The following NFU1 variants were observed in gnomAD, a reference collection of about 807,000 sequenced individuals.
NFU1 encodes the protein NFU1 iron-sulfur cluster scaffold.
NFU1 carries 30 observed loss-of-function variants against 32.2 expected under a neutral mutation model. The ratio of observed to expected loss-of-function variants is 0.93; its 90% CI spans 0.70 to 1.26. The LOEUF (loss-of-function observed/expected upper bound fraction) is 1.26. Among genes scored for constraint, NFU1 ranks in the 50% most tolerant of loss-of-function variants. The pLI, the probability that NFU1 is intolerant of heterozygous loss-of-function variation, is 0.00. For synonymous variants in NFU1, 112 were observed against 104.6 expected (o/e 1.07, Z -0.43); for missense variants, 306 against 306.6 (o/e 1.00, Z 0.02).
chr2:69,410,496 T>G (rs1408577836), intron 5 of NFU1, among the ~76,000 whole-genome samples: 1 of 152,234 alleles, frequency 6.6e-6, no homozygotes, highest in East Asian at 1.9e-4. Context: ...ACTTACTACC[T>G]GTGTGACCTT....
intron 4 of NFU1, among the ~76,000 whole-genome samples, chr2:69,419,319 C>T (rs933928512): frequency 6.6e-6 from 1 of 151,712 alleles, no homozygotes; most frequent in Admixed American, 6.6e-5. Context: ...AAGAGCAAGA[C>T]TTCATCTCAA....
chr2:69,411,906 A>T (rs192481290), intron 5 of NFU1, among the ~76,000 whole-genome samples: 2 of 152,200 alleles, frequency 1.3e-5, no homozygotes, highest in Non-Finnish European at 1.5e-5. Flanking sequence ...AATATTTTTT[A>T]AAAACCTGTT....
intron 4 of NFU1, among the ~76,000 whole-genome samples, chr2:69,418,949 T>C (rs766043143): frequency 6.6e-6 from 1 of 152,200 alleles, no homozygotes; most frequent in East Asian, 1.9e-4. Context: ...ATAGTTCATG[T>C]CCCATTAATC....
In NFU1 at chr2:69,429,345, C is replaced by G. The variant is rs997219099; in HGVS notation, c.166+2557G>C. Among the ~76,000 whole-genome samples the G allele has an allele frequency of 1.4e-4, 21 of 152,232 alleles. 1 individual carries two copies. In the South Asian group the frequency reaches 2.7e-3, roughly 20 times the overall value. On this transcript the variant is annotated intron_variant, in intron 2 of 7. Transcript: ENST00000410022. ...TTGGGAGGCCAAGGCAGGAGGATCA[C>G]TTGAGGGCAGAAGTTCGAGACCAGC...
intron 2 of NFU1, among the ~76,000 whole-genome samples, chr2:69,425,720 G>A (rs774848663): frequency 1.1e-4 from 17 of 150,318 alleles, no homozygotes; most frequent in Admixed American, 3.3e-4. Flanking sequence ...TCCTTGCCTC[G>A]AGTGATCCAC....
intron 2 of NFU1, among the ~76,000 whole-genome samples, chr2:69,431,132 T>C (rs1163785551): frequency 6.6e-6 from 1 of 152,148 alleles, no homozygotes; most frequent in Non-Finnish European, 1.5e-5. Flanking sequence ...AGTAATTAAT[T>C]TTGACAAAAA....
chr2:69,418,760 C>T (rs928168348), intron 4 of NFU1, among the ~76,000 whole-genome samples: 1 of 151,916 alleles, frequency 6.6e-6, no homozygotes, highest in Non-Finnish European at 1.5e-5. Flanking sequence ...TGAGCCACCA[C>T]ACCCGGCCCC....
intron 3 of NFU1, among the ~76,000 whole-genome samples, chr2:69,423,231 GCTCT>G (rs1233805344): frequency 2.4e-5 from 3 of 126,498 alleles, no homozygotes; most frequent in Admixed American, 8.2e-5. Flanking sequence ...GTAGAGATGG[GCTCT>G]CTGTGTGAGT....
At chr2:69,437,209 G>A in intron 1 of NFU1, 152 bp downstream of exon 1, 1 of 1,455,234 alleles carries the variant, frequency 6.9e-7, no homozygotes, top group Non-Finnish European at 9.0e-7. Flanking sequence ...GACAGCCTCA[G>A]GGCTCACCCC....
In NFU1 at chr2:69,437,390, A is replaced by G. The variant is rs772651701; in HGVS notation, c.33T>C (p.Ala11=). The change falls in exon 1 of 8, where the codon GCT becomes GCC. Residue 11 remains alanine, a synonymous_variant. Coordinates refer to ENST00000410022, the MANE Select transcript of NFU1 (RefSeq NM_001002755.4). MAATARRGWG[A]AAVAAGLRRR... ...TGCGCAGCCCGGCGGCAACAGCCGC[A>G]GCTCCCCAGCCCCGCCTGGCCGTCG... is the stretch of plus-strand genomic sequence containing the variant. 2 of 1,609,598 alleles carry G rather than the reference A, an allele frequency of 1.2e-6. No individual in the cohort carries two copies. The highest frequency in any genetic ancestry group is 2.2e-5 in the East Asian group (1 of 44,836).
chr2:69,413,338 T>TA (rs199601356), intron 5 of NFU1, among the ~76,000 whole-genome samples: 91,793 of 136,834 alleles, frequency 0.67, 31,148 homozygotes, highest in African/African-American at 0.87. Flanking sequence ...AACATACGGG[T>TA]AAAAAAAAAA....
At chr2:69,399,875 C>T (rs1487521396) in intron 7 of NFU1, among the ~76,000 whole-genome samples, 1 of 88,952 alleles carries the variant, frequency 1.1e-5, no homozygotes, top group Admixed American at 9.9e-5. Flanking sequence ...AAAGTTACTT[C>T]ATTTTTTTTT....
At chr2:69,398,738 T>C (rs1247474202) in intron 7 of NFU1, among the ~76,000 whole-genome samples, 1 of 152,200 alleles carries the variant, frequency 6.6e-6, no homozygotes, top group Non-Finnish European at 1.5e-5. Context: ...TGGCTTCTGT[T>C]CCTCAGTCCC....
At chr2:69,438,824 T>G (rs1204413774), upstream of NFU1, among the ~76,000 whole-genome samples, 2 of 151,740 alleles carry the variant, frequency 1.3e-5, no homozygotes, top group African/African-American at 4.8e-5. Context: ...TTCCCAATGC[T>G]GCGTACTTGC....
intron 2 of NFU1, among the ~76,000 whole-genome samples, chr2:69,425,386 G>A (rs1017505795): frequency 2.7e-5 from 4 of 147,744 alleles, no homozygotes; most frequent in Admixed American, 2.1e-4. Flanking sequence ...ATGGAGTTTC[G>A]CTCTTTCCCC....
chr2:69,436,837 T>C (rs1574160653), intron 1 of NFU1, among the ~76,000 whole-genome samples: 1 of 150,742 alleles, frequency 6.6e-6, no homozygotes, highest in South Asian at 2.1e-4. Context: ...TGGTGGTGGG[T>C]GCAGGGAATC....
intron 1 of NFU1, among the ~76,000 whole-genome samples, chr2:69,437,040 G>C (rs1673864924): frequency 6.6e-6 from 1 of 152,356 alleles, no homozygotes; most frequent in Middle Eastern, 3.4e-3. Flanking sequence ...GGGGGCGGGA[G>C]AGGCACACGA....
At chr2:69,404,615 A>ATTTTTTTTTTGTTTTTT (rs1672635944) in intron 6 of NFU1, among the ~76,000 whole-genome samples, 1 of 73,006 alleles carries the variant, frequency 1.4e-5, no homozygotes, top group Non-Finnish European at 2.5e-5. Context: ...ATCTTAGCAA[A>ATTTTTTTTTTGTTTTTT]TTTTTTTTTT....
At position 69,423,596 on chromosome 2, in the gene NFU1, G is replaced by C. The variant is rs768500264; in HGVS notation, c.288C>G (p.Arg96=). The C allele has an allele frequency of 1.9e-6, 3 of 1,613,652 alleles. No homozygotes were observed. Among genetic ancestry groups the C allele is most frequent in the Non-Finnish European group, 2.5e-6 (3 of 1,179,948 alleles). Residue 96 remains arginine, a synonymous_variant, in exon 3 of 8, where the codon CGC becomes CGG. Transcript: ENST00000410022. The part of the protein sequence containing the change: ...MDFPTPAAAF[R]SPLARQLFRI... ...CAGTAATATACCTAGCCAGAGGGGA[G>C]CGAAATGCTGCAGCTGGGGTGGGAA...
Sources: allele counts gnomAD v4.1 joint callset (sites outside exome capture counted in the v4.1 genomes callset), GRCh38; gene constraint gnomAD v4.1.1; transcripts MANE v1.5; gene names NCBI Gene and HGNC (gene_info 2026-07-23, HGNC 2026-07-21).